The following CERS4 variants were observed in gnomAD, a reference collection of about 807,000 sequenced individuals.
CERS4 encodes the protein ceramide synthase 4, also known as LAG1 homolog, ceramide synthase 4.
Under a neutral mutation model 51.8 loss-of-function variants are expected in CERS4, and 65 were observed. The ratio of observed to expected loss-of-function variants is 1.26; its 90% CI spans 1.03 to 1.54. The LOEUF is 1.54. Among genes scored for constraint, CERS4 ranks in the 40% most tolerant of loss-of-function variants. The pLI is 0.00. For missense variants in CERS4, 563 were observed against 500.4 expected (o/e 1.13, Z -1.19); for synonymous variants, 228 against 208.4 (o/e 1.09, Z -0.81).
Position 8,254,552 on chromosome 19 carries a change from G to A in CERS4, c.227G>A (p.Arg76Lys), listed in dbSNP as rs780252553. 2.3e-5 allele frequency: 37 copies of A among 1,613,584 alleles called. No homozygotes were observed. In the South Asian group the frequency reaches 4.1e-4, roughly 18 times the overall value. Reference protein sequence around the residue: ...RWLGVRDQTRRQVKPNATLEK... With the variant: ...RWLGVRDQTRKQVKPNATLEK... Reference sequence around the variant, plus strand: ...CTGGGTGTGAGGGATCAGACCAGGAGGCAAGTGAAGCCCAACGCCACGCTG... The same window carrying A: ...CTGGGTGTGAGGGATCAGACCAGGAAGCAAGTGAAGCCCAACGCCACGCTG... Residue 76 changes from arginine to lysine, a missense_variant, in exon 4 of 12, where the codon AGG (arginine) becomes AAG (lysine). Transcript: ENST00000251363.
intron 10 of CERS4, 123 bp from the exon 11 acceptor site, chr19:8,261,565 G>C: frequency 9.1e-7 from 1 of 1,095,664 alleles, no homozygotes; most frequent in Non-Finnish European, 1.3e-6. Flanking sequence ...TCATGGGGTG[G>C]GGGGCACTAG....
chr19:8,251,370 C>T (rs543945670), intron 3 of CERS4, 121 bp downstream of exon 3: 1,225 of 1,421,054 alleles, frequency 8.6e-4, no homozygotes, highest in Non-Finnish European at 1.1e-3. Flanking sequence ...CACCAAAGCG[C>T]GTTCCCTGGC....
chr19:8,258,053 C>A, intron 10 of CERS4, 68 bp downstream of exon 10: 1 of 1,193,786 alleles, frequency 8.4e-7, no homozygotes, highest in Non-Finnish European at 1.2e-6. Context: ...GACTGCCTCA[C>A]CATTGGTACC....
chr19:8,255,478 T>C (rs1969326450), intron 4 of CERS4, 129 bp from the exon 5 acceptor site: 7 of 811,168 alleles, frequency 8.6e-6, no homozygotes, highest in Non-Finnish European at 1.4e-5. Flanking sequence ...CCCCTCCATA[T>C]AGACATGGTC....
At position 8,259,648 on chromosome 19, in the gene CERS4, A is replaced by G. The variant is rs542923803; in HGVS notation, c.848+1663A>G. 3.3e-5 allele frequency among the ~76,000 whole-genome samples: 5 copies of G among 152,216 alleles called. No homozygotes were observed. The South Asian group carries it at 1.0e-3, about 32-fold the overall frequency. ...GCCTCTGGGATCAGGAGGTGGGAACAAGCACAGAAGGAACTGCTCGAGGCA... is the reference window on the plus strand; with the variant it reads ...GCCTCTGGGATCAGGAGGTGGGAACGAGCACAGAAGGAACTGCTCGAGGCA... On this transcript the variant is annotated intron_variant, in intron 10 of 11. Transcript: ENST00000251363.
chr19:8,258,989 C>A (rs1331669320), intron 10 of CERS4, among the ~76,000 whole-genome samples: 1 of 151,848 alleles, frequency 6.6e-6, no homozygotes, highest in African/African-American at 2.4e-5. Flanking sequence ...CAATAATTAG[C>A]TGGGCATGGT....
chr19:8,252,286 C>G (rs2145298756), intron 3 of CERS4, among the ~76,000 whole-genome samples: 1 of 150,654 alleles, frequency 6.6e-6, no homozygotes, highest in South Asian at 2.2e-4. Flanking sequence ...AGGAGAATTG[C>G]TTGAACCCAG....
chr19:8,259,036 A>G lies in CERS4; in HGVS notation c.848+1051A>G, dbSNP rs915198099. ...GTAATCCCAGCTACTCGGGAGGCTA[A>G]GGCAGGAGAATCACTTGAACCCAGG... is the stretch of plus-strand genomic sequence containing the variant. On this transcript the variant is annotated intron_variant, in intron 10 of 11. Transcript: ENST00000251363. 2.0e-5 allele frequency among the ~76,000 whole-genome samples: 3 copies of G among 152,138 alleles called. No homozygotes were observed. In the South Asian group the frequency reaches 6.2e-4, roughly 32 times the overall value.
Position 8,257,927 on chromosome 19 carries a change from C to T in CERS4, c.790C>T (p.Leu264Phe). 1.2e-6 allele frequency: 2 copies of T among 1,614,098 alleles called. No individual in the cohort carries two copies. The highest frequency in any genetic ancestry group is 1.7e-6 in the Non-Finnish European group (2 of 1,180,028). ...GCAGTATCAGCAAGTGTGCGACGCT[C>T]TCTTCCTCATCTTCTCCTTTGTCTT... ...YMQYQQVCDA[L>F]FLIFSFVFFY... The change falls in exon 10 of 12, where the codon CTC becomes TTC. Residue 264 changes from leucine (L) to phenylalanine (F), a missense_variant. Transcript: ENST00000251363.
intron 2 of CERS4, among the ~76,000 whole-genome samples, chr19:8,242,952 C>T (rs990004913): frequency 1.4e-5 from 2 of 139,866 alleles, no homozygotes; most frequent in Non-Finnish European, 3.1e-5. Flanking sequence ...ATCCAAGACC[C>T]TTGGGTGAGG....
chr19:8,212,153 G>A (rs1194087186), intron 2 of CERS4, among the ~76,000 whole-genome samples: 4 of 152,110 alleles, frequency 2.6e-5, no homozygotes, highest in Non-Finnish European at 5.9e-5. Context: ...GAGGAAGAAG[G>A]GCAGAGCCAG....
At chr19:8,226,248 T>C (rs117166328) in intron 2 of CERS4, among the ~76,000 whole-genome samples, 3,638 of 152,218 alleles carry the variant, frequency 0.024, 78 homozygotes, top group Middle Eastern at 0.048. Flanking sequence ...GTGACTGATA[T>C]TTCCAATGCA....
At chr19:8,245,123 A>ACAAAACAAACAAAAACAAAAAAAC (rs370968490) in intron 2 of CERS4, among the ~76,000 whole-genome samples, 1 of 58,298 alleles carries the variant, frequency 1.7e-5, no homozygotes, top group Admixed American at 2.4e-4. Flanking sequence ...AAAAAAAAAA[A>ACAAAACAAACAAAAACAAAAAAAC]AAAAAAAAAA....
intron 7 of CERS4, 49 bp from the exon 8 acceptor site, chr19:8,256,569 G>T (rs545431365): frequency 5.2e-6 from 8 of 1,552,144 alleles, no homozygotes; most frequent in East Asian, 4.5e-5. Flanking sequence ...ACCCCTGCCC[G>T]ATTGGAGCCT....
chr19:8,252,309 G>A (rs1969127347), intron 3 of CERS4, among the ~76,000 whole-genome samples: 1 of 151,582 alleles, frequency 6.6e-6, no homozygotes, highest in South Asian at 2.1e-4. Context: ...GACAGAGGTT[G>A]CAGTGAGCTG....
At chr19:8,226,630 G>A (rs1365465835) in intron 2 of CERS4, among the ~76,000 whole-genome samples, 1 of 152,186 alleles carries the variant, frequency 6.6e-6, no homozygotes, top group East Asian at 1.9e-4. Flanking sequence ...TTCTTGGCCC[G>A]TGTAGTGGCT....
At chr19:8,233,109 T>G (rs955799368) in intron 2 of CERS4, among the ~76,000 whole-genome samples, 1 of 151,830 alleles carries the variant, frequency 6.6e-6, no homozygotes, top group African/African-American at 2.4e-5. Context: ...CTCAAATTCC[T>G]GGCCTCAAGC....
intron 10 of CERS4, among the ~76,000 whole-genome samples, chr19:8,259,502 TTC>T (rs1189234854): frequency 4.0e-5 from 6 of 151,830 alleles, no homozygotes; most frequent in Non-Finnish European, 7.4e-5. Flanking sequence ...AGCAGAGGGA[TTC>T]AATCTGACCT....
At chr19:8,242,112 A>G (rs1470909053) in intron 2 of CERS4, among the ~76,000 whole-genome samples, 1 of 152,126 alleles carries the variant, frequency 6.6e-6, no homozygotes, top group Non-Finnish European at 1.5e-5. Flanking sequence ...CCCTTCAGGG[A>G]GGGCACCTGT....
Sources: allele counts gnomAD v4.1 joint callset (sites outside exome capture counted in the v4.1 genomes callset), GRCh38; gene constraint gnomAD v4.1.1; transcripts MANE v1.5; gene names NCBI Gene and HGNC (gene_info 2026-07-23, HGNC 2026-07-21).